The following DPP10 variants were observed in gnomAD, a reference collection of about 807,000 sequenced individuals.
DPP10 encodes inactive dipeptidyl peptidase 10.
In DPP10, 33 loss-of-function variants were observed where a neutral mutation model predicts 120.9. The ratio of observed to expected loss-of-function variants is 0.27; its 90% CI spans 0.21 to 0.37. The LOEUF is 0.37. Ranked by LOEUF, DPP10 falls within the 10% of genes least tolerant of loss-of-function variation. The pLI is 1.00. For missense variants in DPP10, 816 were observed against 942.8 expected, an observed-to-expected ratio of 0.87 and a Z score of 1.76; for synonymous variants, 337 against 326.1, an observed-to-expected ratio of 1.03 and a Z score of -0.36.
In DPP10 at chr2:114,549,663, C is replaced by CAAAA. The variant is rs869226518; in HGVS notation, c.60+106844_60+106847dup. ...GCGACAGAGTGAGACTGTGTGTCAA[C>CAAAA]AAAAAAAAAAAAAAAAAAAAAAGAG... On this transcript the variant is annotated intron_variant, in intron 1 of 25. Coordinates refer to ENST00000410059, the MANE Select transcript of DPP10 (RefSeq NM_020868.6). 1.1e-3 allele frequency among the ~76,000 whole-genome samples: 87 copies of CAAAA among 76,206 alleles called. 1 individual carries two copies. Among genetic ancestry groups the CAAAA allele is most frequent in the Non-Finnish European group, 1.5e-3 (60 of 41,080 alleles). The allele number at this position is 76,206 out of a possible 152,430, so 50.0% of individuals were successfully genotyped here.
intron 1 of DPP10, among the ~76,000 whole-genome samples, chr2:114,950,024 TA>T (rs1697657364): frequency 6.6e-6 from 1 of 152,196 alleles, no homozygotes; most frequent in African/African-American, 2.4e-5. Flanking sequence ...TAATGTGACT[TA>T]AAAAAATTCT....
At chr2:115,664,514 C>CT (rs1558998676) in intron 5 of DPP10, among the ~76,000 whole-genome samples, 1 of 151,182 alleles carries the variant, frequency 6.6e-6, no homozygotes, top group Non-Finnish European at 1.5e-5. Context: ...GTTCCTAGTA[C>CT]TATATTGAGA....
intron 1 of DPP10, among the ~76,000 whole-genome samples, chr2:115,286,526 A>ATAT (rs10675008): frequency 0.035 from 2,094 of 60,620 alleles, 142 homozygotes; most frequent in East Asian, 0.067. Context: ...ATATATATAT[A>ATAT]ATATATATAT....
chr2:114,770,216 G>GC (rs1681127818), intron 1 of DPP10, among the ~76,000 whole-genome samples: 1 of 152,118 alleles, frequency 6.6e-6, no homozygotes, highest in Non-Finnish European at 1.5e-5. Flanking sequence ...GGAAGAGTGA[G>GC]CCCGGAAGAG....
At chr2:115,259,913 G>A (rs1480925640) in intron 1 of DPP10, among the ~76,000 whole-genome samples, 2 of 151,680 alleles carry the variant, frequency 1.3e-5, no homozygotes, top group Non-Finnish European at 2.9e-5. Context: ...ACTTGATTTA[G>A]TATATCTAAT....
At chr2:114,804,798 A>C (rs951250341) in intron 1 of DPP10, among the ~76,000 whole-genome samples, 1 of 152,024 alleles carries the variant, frequency 6.6e-6, no homozygotes, top group Non-Finnish European at 1.5e-5. Context: ...GAAACTTTGC[A>C]CTCTGGACTT....
At chr2:115,415,841 T>TTATATA (rs70941057) in intron 3 of DPP10, among the ~76,000 whole-genome samples, 11,687 of 73,976 alleles carry the variant, frequency 0.16, 1,177 homozygotes, top group East Asian at 0.24. Context: ...TGATTTGCTT[T>TTATATA]TATATATATA....
At chr2:115,674,967 A>G (rs1447002330) in intron 5 of DPP10, among the ~76,000 whole-genome samples, 2 of 152,234 alleles carry the variant, frequency 1.3e-5, no homozygotes, top group Non-Finnish European at 2.9e-5. Context: ...AGTAGCACAT[A>G]AAGAACACAT....
intron 1 of DPP10, among the ~76,000 whole-genome samples, chr2:115,176,935 CT>C (rs1199130679): frequency 6.6e-6 from 1 of 152,130 alleles, no homozygotes; most frequent in African/African-American, 2.4e-5. Flanking sequence ...TGGCTACTGC[CT>C]TCTGTATATT....
At chr2:115,060,735 C>A (rs1488353216) in intron 1 of DPP10, among the ~76,000 whole-genome samples, 1 of 152,192 alleles carries the variant, frequency 6.6e-6, no homozygotes, top group Non-Finnish European at 1.5e-5. Context: ...TTCATTGGAT[C>A]ACGTTCTCCT....
chr2:114,647,647 A>G (rs979026866), intron 1 of DPP10, among the ~76,000 whole-genome samples: 1 of 151,742 alleles, frequency 6.6e-6, no homozygotes, highest in Non-Finnish European at 1.5e-5. Flanking sequence ...ATCCAGTGCA[A>G]TACCTTAACT....
At position 114,487,830 on chromosome 2, in the gene DPP10, A is replaced by G. The variant is rs1195924616; in HGVS notation, c.60+44992A>G. Among the ~76,000 whole-genome samples, 7 of 152,318 alleles carry G rather than the reference A, an allele frequency of 4.6e-5. No homozygotes were observed. The East Asian group carries it at 1.3e-3, about 29-fold the overall frequency. The stretch of plus-strand genomic sequence containing the variant: ...CGTTATCTTCTAAATATCAATATCT[A>G]AAAAGAAAAATGAGAAACAGCAACA... On this transcript the variant is annotated intron_variant, in intron 1 of 25. Coordinates refer to ENST00000410059, the MANE Select transcript of DPP10 (RefSeq NM_020868.6).
intron 7 of DPP10, among the ~76,000 whole-genome samples, chr2:115,694,545 T>C (rs1354983142): frequency 6.6e-6 from 1 of 152,140 alleles, no homozygotes. Flanking sequence ...AAAGAGTGCA[T>C]TATTTGGAGA....
chr2:115,628,981 A>G (rs1214815384), intron 5 of DPP10, among the ~76,000 whole-genome samples: 1 of 151,928 alleles, frequency 6.6e-6, no homozygotes, highest in Non-Finnish European at 1.5e-5. Context: ...CTACCCCACG[A>G]CAGGCCCCAG....
chr2:114,484,269 A>C (rs1379150451), intron 1 of DPP10, among the ~76,000 whole-genome samples: 3 of 152,144 alleles, frequency 2.0e-5, no homozygotes, highest in East Asian at 3.9e-4. Flanking sequence ...TAGATTTAAG[A>C]GCACGTTGCC....
At chr2:115,621,059 C>T (rs1259837841) in intron 5 of DPP10, among the ~76,000 whole-genome samples, 1 of 152,188 alleles carries the variant, frequency 6.6e-6, no homozygotes, top group Admixed American at 6.5e-5. Flanking sequence ...AAGATCATGA[C>T]AACACTGATG....
intron 1 of DPP10, among the ~76,000 whole-genome samples, chr2:114,945,765 G>A (rs866779589): frequency 8.6e-5 from 13 of 151,894 alleles, no homozygotes; most frequent in East Asian, 5.8e-4. Flanking sequence ...ACAGTGAGCC[G>A]AGATCCCACC....
intron 3 of DPP10, among the ~76,000 whole-genome samples, chr2:115,478,278 C>G (rs2075217134): frequency 6.6e-6 from 1 of 152,110 alleles, no homozygotes; most frequent in Non-Finnish European, 1.5e-5. Context: ...AACTTATTTT[C>G]AACAAGGGTA....
intron 7 of DPP10, among the ~76,000 whole-genome samples, chr2:115,693,186 G>T (rs1366138108): frequency 1.3e-5 from 2 of 152,138 alleles, no homozygotes; most frequent in African/African-American, 4.8e-5. Context: ...TACCATCACA[G>T]AACTCTCTGT....
Sources: gnomAD v4.1 joint callset for allele counts (sites outside exome capture counted in the v4.1 genomes callset) on GRCh38, gnomAD v4.1.1 for gene constraint, MANE v1.5 for transcripts, NCBI Gene and HGNC (gene_info 2026-07-23, HGNC 2026-07-21) for gene names.